Variants in MAGI1 observed in about 807,000 individuals in gnomAD.
MAGI1 encodes the protein membrane associated guanylate kinase, WW and PDZ domain containing 1.
In MAGI1, 58 loss-of-function variants were observed where a neutral mutation model predicts 139.9. The observed-to-expected ratio is 0.41, with a 90% CI of 0.34 to 0.52. The LOEUF (loss-of-function observed/expected upper bound fraction) is 0.52, where lower values mean the gene tolerates loss of function less well. Ranked by LOEUF, MAGI1 falls within the 20% of genes least tolerant of loss-of-function variation. The pLI, the probability that MAGI1 is intolerant of heterozygous loss-of-function variation, is 0.12. For missense variants in MAGI1, 1,874 were observed against 1,901.6 expected (o/e 0.99, Z 0.27); for synonymous variants, 812 against 737.9 (o/e 1.10, Z -1.63).
chr3:65,943,496 A>T (rs1254224959), intron 1 of MAGI1, among the ~76,000 whole-genome samples: 16 of 150,202 alleles, frequency 1.1e-4, no homozygotes, highest in Non-Finnish European at 2.4e-4. Context: ...AATCGCTTGA[A>T]CCCGGGAGGC....
chr3:65,361,065 A>T, intron 22 of MAGI1, 134 bp downstream of exon 22: 1 of 1,559,830 alleles, frequency 6.4e-7, no homozygotes, highest in Admixed American at 1.9e-5. Context: ...CGAGGCAAAT[A>T]ATCACATGGT....
At chr3:65,953,465 C>T (rs1259856302) in intron 1 of MAGI1, among the ~76,000 whole-genome samples, 1 of 152,212 alleles carries the variant, frequency 6.6e-6, no homozygotes, top group African/African-American at 2.4e-5. Flanking sequence ...TACACACATA[C>T]TTGGGATTTA....
intron 1 of MAGI1, among the ~76,000 whole-genome samples, chr3:65,718,995 A>G (rs1277456800): frequency 7.3e-6 from 1 of 136,372 alleles, no homozygotes; most frequent in Non-Finnish European, 1.5e-5. Flanking sequence ...CAGAACTTCT[A>G]CCCAGTAGCA....
intron 1 of MAGI1, among the ~76,000 whole-genome samples, chr3:65,767,483 A>G (rs1012280447): frequency 4.5e-4 from 68 of 152,120 alleles, no homozygotes; most frequent in Non-Finnish European, 1.0e-4. Flanking sequence ...ATAAATAAAT[A>G]AAGACTTTAC....
intron 1 of MAGI1, among the ~76,000 whole-genome samples, chr3:65,977,254 T>C (rs959146930): frequency 6.6e-6 from 1 of 152,186 alleles, no homozygotes; most frequent in African/African-American, 2.4e-5. Context: ...GTTGTCAACA[T>C]CATCACTTTG....
At chr3:65,771,165 G>C (rs2037923637) in intron 1 of MAGI1, among the ~76,000 whole-genome samples, 1 of 151,834 alleles carries the variant, frequency 6.6e-6, no homozygotes, top group African/African-American at 2.4e-5. Flanking sequence ...AAATTAGCCA[G>C]GCATGGTGGC....
At chr3:65,922,186 C>T (rs1165700800) in intron 1 of MAGI1, among the ~76,000 whole-genome samples, 3 of 152,020 alleles carry the variant, frequency 2.0e-5, no homozygotes, top group South Asian at 2.1e-4. Context: ...AGGTCACACA[C>T]AAAAATACAG....
intron 6 of MAGI1, among the ~76,000 whole-genome samples, chr3:65,448,411 C>T (rs555927459): frequency 6.6e-6 from 1 of 152,218 alleles, no homozygotes; most frequent in South Asian, 2.1e-4. Context: ...AGCTGTTAGA[C>T]CTTTCATTAT....
intron 1 of MAGI1, among the ~76,000 whole-genome samples, chr3:65,826,326 T>C (rs1164151146): frequency 6.6e-6 from 1 of 152,230 alleles, no homozygotes; most frequent in African/African-American, 2.4e-5. Context: ...CATAAGCATA[T>C]GCATTTCAAT....
At chr3:65,765,956 AT>A (rs2037434784) in intron 1 of MAGI1, among the ~76,000 whole-genome samples, 1 of 152,140 alleles carries the variant, frequency 6.6e-6, no homozygotes, top group African/African-American at 2.4e-5. Flanking sequence ...TAACTAAATA[AT>A]TTCATCTGAT....
chr3:65,597,619 G>C, intron 2 of MAGI1: 2 of 450,672 alleles, frequency 4.4e-6, no homozygotes, highest in Non-Finnish European at 9.0e-6. Flanking sequence ...CCTCCTCCCT[G>C]GTCCACACAC....
chr3:65,551,207 T>C (rs2107967065), intron 2 of MAGI1, among the ~76,000 whole-genome samples: 1 of 152,350 alleles, frequency 6.6e-6, no homozygotes, highest in Non-Finnish European at 1.5e-5. Flanking sequence ...CCTGCTGACT[T>C]GTTAAGGTGC....
chr3:65,979,093 C>CCG (rs1553742273), intron 1 of MAGI1, among the ~76,000 whole-genome samples: 3 of 51,498 alleles, frequency 5.8e-5, no homozygotes, highest in South Asian at 8.4e-4. Context: ...TTTCTTCCCC[C>CCG]CCCCCGCCAC....
intron 4 of MAGI1, among the ~76,000 whole-genome samples, chr3:65,471,279 T>C (rs1229510847): frequency 6.6e-6 from 1 of 152,174 alleles, no homozygotes; most frequent in Admixed American, 6.5e-5. Flanking sequence ...ACATTCTGGT[T>C]GAATTTTTAT....
intron 1 of MAGI1, among the ~76,000 whole-genome samples, chr3:65,662,700 C>CT (rs569486299): frequency 1.1e-3 from 166 of 152,256 alleles, no homozygotes; most frequent in African/African-American, 3.6e-3. Context: ...ATAGTCACCT[C>CT]TTTTTTTGTG....
At chr3:65,891,560 C>T (rs1391966867) in intron 1 of MAGI1, among the ~76,000 whole-genome samples, 4 of 151,758 alleles carry the variant, frequency 2.6e-5, no homozygotes, top group Admixed American at 2.0e-4. Context: ...TATACATTAC[C>T]AAGGTTACTT....
At chr3:65,375,091 G>C (rs1178620232) in intron 18 of MAGI1, among the ~76,000 whole-genome samples, 2 of 151,930 alleles carry the variant, frequency 1.3e-5, no homozygotes, top group African/African-American at 4.8e-5. Flanking sequence ...CATATCAGAG[G>C]ATCTGTACCA....
intron 12 of MAGI1, among the ~76,000 whole-genome samples, chr3:65,405,490 G>A (rs1381312687): frequency 2.6e-5 from 4 of 152,168 alleles, no homozygotes; most frequent in African/African-American, 9.7e-5. Context: ...GGGATTATGC[G>A]TGGCTTTATT....
At chr3:65,952,310 C>T (rs1576231874) in intron 1 of MAGI1, among the ~76,000 whole-genome samples, 1 of 152,148 alleles carries the variant, frequency 6.6e-6, no homozygotes, top group African/African-American at 2.4e-5. Flanking sequence ...GTGTTCATGA[C>T]TCATAATTCC....
Sources: allele counts gnomAD v4.1 joint callset (sites outside exome capture counted in the v4.1 genomes callset), GRCh38; gene constraint gnomAD v4.1.1; transcripts MANE v1.5; gene names NCBI Gene and HGNC (gene_info 2026-07-23, HGNC 2026-07-21).